Variants in ARMC9 observed in about 807,000 individuals in gnomAD.
ARMC9 encodes lisH domain-containing protein ARMC9.
In ARMC9, 94 loss-of-function variants were observed where a neutral mutation model predicts 107.0. The ratio of observed to expected loss-of-function variants is 0.88; its 90% confidence interval spans 0.74 to 1.04. The LOEUF (loss-of-function observed/expected upper bound fraction) is 1.04. Ranked by LOEUF, ARMC9 falls within the 50% of genes least tolerant of loss-of-function variation. The pLI, the probability that ARMC9 is intolerant of heterozygous loss-of-function variation, is 0.00. For synonymous variants in ARMC9, 380 were observed against 396.9 expected, an observed-to-expected ratio of 0.96 and a Z score of 0.51; for missense variants, 942 against 1,030.1, an observed-to-expected ratio of 0.91 and a Z score of 1.17.
chr2:231,250,115 A>G (rs553966765), intron 9 of ARMC9, among the ~76,000 whole-genome samples: 7 of 152,262 alleles, frequency 4.6e-5, no homozygotes, highest in African/African-American at 1.7e-4. Flanking sequence ...TCAGCCTGAA[A>G]TCCTAGAAAT....
intron 19 of ARMC9, among the ~76,000 whole-genome samples, chr2:231,316,314 A>C (rs2042675787): frequency 6.6e-6 from 1 of 151,382 alleles, no homozygotes; most frequent in African/African-American, 2.4e-5. Context: ...TTTAATTGCT[A>C]CTTGATTTGG....
Position 231,213,481 on chromosome 2 carries a change from GT to G in ARMC9, c.178-1337del, listed in dbSNP as rs112510839. 7.0e-3 allele frequency among the ~76,000 whole-genome samples: 974 copies of G among 139,470 alleles called. 10 individuals are homozygous for G. The highest frequency in any genetic ancestry group is 0.021 in the African/African-American group (818 of 38,222). 91.5% of individuals were successfully genotyped at this position (139,470 alleles called of 152,430 possible). On this transcript the variant is annotated intron_variant, in intron 3 of 24. Transcript: ENST00000611582. The stretch of plus-strand genomic sequence containing the variant: ...CCGGCCATGTAAACTCACTTTTTTG[GT>G]TTTTTTTTTTTTGAGATGGAGTCTC...
intron 19 of ARMC9, among the ~76,000 whole-genome samples, chr2:231,301,447 C>T (rs1459037644): frequency 1.3e-5 from 2 of 151,998 alleles, no homozygotes; most frequent in East Asian, 1.9e-4. Context: ...ACTAGGAGAA[C>T]ATGAAGGAGC....
chr2:231,288,142 G>A (rs1415822769), intron 17 of ARMC9, among the ~76,000 whole-genome samples: 1 of 152,134 alleles, frequency 6.6e-6, no homozygotes, highest in Non-Finnish European at 1.5e-5. Flanking sequence ...ATTGCCTAGC[G>A]TGCAGTAAGC....
chr2:231,200,808 C>T (rs2030787499), intron 1 of ARMC9, among the ~76,000 whole-genome samples: 1 of 151,192 alleles, frequency 6.6e-6, no homozygotes, highest in Middle Eastern at 3.4e-3. Context: ...GCACTCCAGC[C>T]TGGGCAACAG....
At chr2:231,306,861 A>G (rs1355371353) in intron 19 of ARMC9, among the ~76,000 whole-genome samples, 2 of 152,222 alleles carry the variant, frequency 1.3e-5, no homozygotes, top group African/African-American at 4.8e-5. Flanking sequence ...GGGAAGCGAC[A>G]GTGAAGCTTA....
intron 19 of ARMC9, among the ~76,000 whole-genome samples, chr2:231,324,347 T>C (rs1190606901): frequency 1.3e-4 from 19 of 151,252 alleles, no homozygotes; most frequent in Admixed American, 9.9e-4. Context: ...AGGCTGGTCT[T>C]GAACGCCTGA....
chr2:231,352,854 G>A lies in ARMC9; in HGVS notation c.1995-2944G>A, dbSNP rs184274833. ...TAGAAATTACATTCCCAGGCCGGGCGCGGGGGCTCACACCAGCCTGGGCCA... is the reference window on the plus strand; with the variant it reads ...TAGAAATTACATTCCCAGGCCGGGCACGGGGGCTCACACCAGCCTGGGCCA... On this transcript the variant is annotated intron_variant, in intron 21 of 24. Coordinates refer to ENST00000611582, the MANE Select transcript of ARMC9 (RefSeq NM_001352754.2). Among the ~76,000 whole-genome samples the A allele has an allele frequency of 1.8e-3, 232 of 127,554 alleles. 6 individuals carry two copies. Among genetic ancestry groups the A allele is most frequent in the African/African-American group, 8.6e-3 (179 of 20,738 alleles). 83.7% of individuals were successfully genotyped at this position (127,554 alleles called of 152,430 possible).
intron 9 of ARMC9, among the ~76,000 whole-genome samples, chr2:231,243,263 A>AG (rs1197501136): frequency 6.7e-6 from 1 of 150,292 alleles, no homozygotes; most frequent in Non-Finnish European, 1.5e-5. Context: ...AAAAAAAAAA[A>AG]TTAGTTGGGC....
chr2:231,258,822 C>T, intron 10 of ARMC9, 169 bp from the exon 11 acceptor site: 1 of 620,650 alleles, frequency 1.6e-6, no homozygotes, highest in Non-Finnish European at 2.9e-6. Flanking sequence ...CTGGTTGAAG[C>T]TGAGGTAGGA....
chr2:231,366,714 G>A (rs1216077312), intron 23 of ARMC9, among the ~76,000 whole-genome samples: 4 of 151,424 alleles, frequency 2.6e-5, no homozygotes, highest in African/African-American at 9.7e-5. Context: ...GGTGGCGGGT[G>A]CCTGTAGTCC....
At chr2:231,365,969 G>A (rs1265577211) in intron 23 of ARMC9, among the ~76,000 whole-genome samples, 1 of 152,154 alleles carries the variant, frequency 6.6e-6, no homozygotes, top group Non-Finnish European at 1.5e-5. Flanking sequence ...GCCCCGGTCT[G>A]AGGAGGCTCA....
intron 9 of ARMC9, among the ~76,000 whole-genome samples, chr2:231,241,614 C>T (rs56408413): frequency 0.12 from 17,931 of 151,974 alleles, 2,058 homozygotes; most frequent in African/African-American, 0.29. Context: ...AGAAGCCTTT[C>T]TTTTAGTATT....
chr2:231,345,695 G>A (rs1215239451), intron 21 of ARMC9, among the ~76,000 whole-genome samples: 3 of 152,120 alleles, frequency 2.0e-5, no homozygotes, highest in Non-Finnish European at 4.4e-5. Flanking sequence ...CCACTTCTGT[G>A]GTCTGGGTGG....
At chr2:231,343,496 C>T (rs1174906364) in intron 20 of ARMC9, among the ~76,000 whole-genome samples, 1 of 152,020 alleles carries the variant, frequency 6.6e-6, no homozygotes, top group Non-Finnish European at 1.5e-5. Flanking sequence ...GCGCCCTTCA[C>T]ATAATTTCCC....
chr2:231,361,434 C>CAAA (rs775553119), intron 23 of ARMC9, among the ~76,000 whole-genome samples: 2 of 38,054 alleles, frequency 5.3e-5, no homozygotes, highest in Non-Finnish European at 1.0e-4. Flanking sequence ...GACCCTGTCT[C>CAAA]AAAAAAAAAA....
intron 20 of ARMC9, among the ~76,000 whole-genome samples, chr2:231,335,636 G>T (rs1480601938): frequency 6.6e-6 from 1 of 152,170 alleles, no homozygotes; most frequent in East Asian, 1.9e-4. Flanking sequence ...GAGATGTGTT[G>T]CTTACTCGTA....
At chr2:231,214,261 T>C (rs2033240695) in intron 3 of ARMC9, among the ~76,000 whole-genome samples, 1 of 152,172 alleles carries the variant, frequency 6.6e-6, no homozygotes, top group African/African-American at 2.4e-5. Context: ...TATGGTATAA[T>C]GGGGTCTGTG....
chr2:231,286,736 G>A (rs2040617915), intron 17 of ARMC9, among the ~76,000 whole-genome samples: 1 of 152,170 alleles, frequency 6.6e-6, no homozygotes, highest in African/African-American at 2.4e-5. Context: ...ACTGTATAAT[G>A]AGAGATAAAA....
Sources: allele counts gnomAD v4.1 joint callset (sites outside exome capture counted in the v4.1 genomes callset), GRCh38; gene constraint gnomAD v4.1.1; transcripts MANE v1.5; gene names NCBI Gene and HGNC (gene_info 2026-07-23, HGNC 2026-07-21).